Variants in EPHA7 observed in about 807,000 individuals in gnomAD.
EPHA7 encodes EPH receptor A7.
In EPHA7, 25 loss-of-function variants were observed where a neutral mutation model predicts 112.6. That is an observed-to-expected ratio of 0.22 (90% CI 0.16 to 0.31). The LOEUF (loss-of-function observed/expected upper bound fraction) is 0.31, where lower values mean the gene tolerates loss of function less well. Ranked by LOEUF, EPHA7 falls within the 10% of genes least tolerant of loss-of-function variation. EPHA7 has a pLI of 1.00. For missense variants in EPHA7, 962 were observed against 1,212.6 expected, an observed-to-expected ratio of 0.79 and a Z score of 3.07; for synonymous variants, 437 against 406.5, an observed-to-expected ratio of 1.07 and a Z score of -0.90.
chr6:93,416,451 AC>A (rs765049267), intron 1 of EPHA7, among the ~76,000 whole-genome samples: 7 of 152,108 alleles, frequency 4.6e-5, no homozygotes, highest in Non-Finnish European at 8.8e-5. Context: ...CCATTCTGCT[AC>A]CCCTCAGCTC....
chr6:93,332,907 CA>C (rs1440126300), intron 5 of EPHA7, among the ~76,000 whole-genome samples: 4 of 151,468 alleles, frequency 2.6e-5, no homozygotes, highest in Non-Finnish European at 3.0e-5. Context: ...ATTTTAGATT[CA>C]GGGGTACATA....
At chr6:93,297,929 G>A (rs1236140229) in intron 5 of EPHA7, among the ~76,000 whole-genome samples, 3 of 152,028 alleles carry the variant, frequency 2.0e-5, no homozygotes, top group African/African-American at 7.2e-5. Context: ...GATTAGAGAC[G>A]GAATTATCCT....
At position 93,263,822 on chromosome 6, in the gene EPHA7, TA is replaced by T. The variant is rs778048367; in HGVS notation, c.1798+37del. 1.2e-5 allele frequency: 18 copies of T among 1,558,506 alleles called. 2 individuals are homozygous for T. Among genetic ancestry groups the T allele is most frequent in the Admixed American group, 3.4e-5 (2 of 58,260 alleles). On this transcript the variant is annotated intron_variant, in intron 9 of 16. Coordinates refer to ENST00000369303, the MANE Select transcript of EPHA7 (RefSeq NM_004440.4). ...GCTAATAACCAGATTTTTCTGTTAA[TA>T]GGGGTACATCATAATAAAGAAAAGC...
chr6:93,298,585 G>C (rs1772797307), intron 5 of EPHA7, among the ~76,000 whole-genome samples: 1 of 152,052 alleles, frequency 6.6e-6, no homozygotes, highest in Non-Finnish European at 1.5e-5. Context: ...GAGGCCTAAA[G>C]AGACACTGAT....
intron 7 of EPHA7, among the ~76,000 whole-genome samples, chr6:93,265,751 CTTTAA>C (rs1562054291): frequency 1.3e-5 from 2 of 151,670 alleles, no homozygotes; most frequent in Non-Finnish European, 2.9e-5. Context: ...GAGCTGCAAT[CTTTAA>C]TTTAAGGCAG....
intron 1 of EPHA7, among the ~76,000 whole-genome samples, chr6:93,415,457 T>C (rs1399331529): frequency 6.6e-6 from 1 of 152,034 alleles, no homozygotes; most frequent in African/African-American, 2.4e-5. Context: ...ATCACTTGTA[T>C]TTCACTTTTA....
chr6:93,326,522 A>G (rs1774328545), intron 5 of EPHA7, among the ~76,000 whole-genome samples: 1 of 151,534 alleles, frequency 6.6e-6, no homozygotes, highest in Non-Finnish European at 1.5e-5. Flanking sequence ...GAAGATTTCC[A>G]GTTTCACTGA....
intron 3 of EPHA7, among the ~76,000 whole-genome samples, chr6:93,360,247 T>G (rs981052406): frequency 6.6e-6 from 1 of 151,700 alleles, no homozygotes; most frequent in Non-Finnish European, 1.5e-5. Flanking sequence ...GGGTTTAGCT[T>G]AGATTTCTCG....
At chr6:93,398,720 G>A (rs1483148510) in intron 3 of EPHA7, among the ~76,000 whole-genome samples, 2 of 151,974 alleles carry the variant, frequency 1.3e-5, no homozygotes, top group African/African-American at 4.8e-5. Context: ...AAATCAACAA[G>A]AGAGCTGTTT....
intron 5 of EPHA7, among the ~76,000 whole-genome samples, chr6:93,278,171 A>G (rs1030698536): frequency 6.6e-6 from 1 of 151,992 alleles, no homozygotes; most frequent in Non-Finnish European, 1.5e-5. Flanking sequence ...TCTCAGAAAA[A>G]TCTATAAGTA....
At position 93,245,364 on chromosome 6, in the gene EPHA7, C is replaced by G. The variant is rs764861058; in HGVS notation, c.2816G>C (p.Arg939Thr). 3.7e-6 allele frequency: 6 copies of G among 1,613,666 alleles called. No individual in the cohort carries two copies. The South Asian group carries it at 6.6e-5, about 18-fold the overall frequency. The part of the protein sequence containing the change: ...GEWLQAIKME[R>T]YKDNFTAAGY... ...AGCTGCCGTGAAATTATCTTTATAT[C>G]TTTCCATCTTAATAGCTTGTAGCCA... The change falls in exon 16 of 17, where the codon AGA becomes ACA. Residue 939 changes from arginine to threonine, a missense_variant. Around this residue, in one of 3 missense-constraint regions of EPHA7, gnomAD observed 746 missense variants for 889.2 expected, o/e 0.84. Coordinates refer to ENST00000369303, the MANE Select transcript of EPHA7 (RefSeq NM_004440.4).
chr6:93,246,302 G>A (rs1372472646), intron 15 of EPHA7, among the ~76,000 whole-genome samples: 1 of 151,892 alleles, frequency 6.6e-6, no homozygotes, highest in Non-Finnish European at 1.5e-5. Flanking sequence ...CACCTACCTC[G>A]GCCTCCCAAA....
chr6:93,288,349 A>G (rs1772179788), intron 5 of EPHA7, among the ~76,000 whole-genome samples: 1 of 152,208 alleles, frequency 6.6e-6, no homozygotes, highest in South Asian at 2.1e-4. Flanking sequence ...TGACATGTCT[A>G]GAACAGACAA....
chr6:93,377,805 TATC>T (rs1311306410), intron 3 of EPHA7, among the ~76,000 whole-genome samples: 1 of 152,198 alleles, frequency 6.6e-6, no homozygotes, highest in Non-Finnish European at 1.5e-5. Context: ...GTCAAATCGT[TATC>T]ATACTTCACC....
chr6:93,369,909 A>C (rs1344644146), intron 3 of EPHA7, among the ~76,000 whole-genome samples: 1 of 152,202 alleles, frequency 6.6e-6, no homozygotes. Flanking sequence ...CATCAGAGCA[A>C]TAGGACTGAT....
intron 5 of EPHA7, among the ~76,000 whole-genome samples, chr6:93,307,015 T>A (rs1478497317): frequency 6.6e-6 from 1 of 151,930 alleles, no homozygotes; most frequent in African/African-American, 2.4e-5. Flanking sequence ...AATCATAATA[T>A]AATACTATTG....
chr6:93,347,265 TATTGG>T (rs1386125944), intron 5 of EPHA7, among the ~76,000 whole-genome samples: 1 of 151,932 alleles, frequency 6.6e-6, no homozygotes, highest in Non-Finnish European at 1.5e-5. Context: ...ATAACTTTTA[TATTGG>T]ATGTTCTGTT....
At chr6:93,243,679 AC>A in intron 16 of EPHA7, 139 bp from the exon 17 acceptor site, 1 of 620,088 alleles carries the variant, frequency 1.6e-6, no homozygotes. Flanking sequence ...TTATGATCAC[AC>A]CCCTGCAGCA....
chr6:93,327,998 C>T (rs1582528436), intron 5 of EPHA7, among the ~76,000 whole-genome samples: 1 of 151,454 alleles, frequency 6.6e-6, no homozygotes, highest in South Asian at 2.1e-4. Flanking sequence ...CACCCAACTT[C>T]CATTTATTCT....
Sources: allele counts gnomAD v4.1 joint callset (sites outside exome capture counted in the v4.1 genomes callset), GRCh38; gene constraint gnomAD v4.1.1; regional missense constraint gnomAD v4.1.1; transcripts MANE v1.5; gene names NCBI Gene and HGNC (gene_info 2026-07-23, HGNC 2026-07-21).